The following NRXN1 variants were observed in gnomAD, a reference collection of about 807,000 sequenced individuals.
NRXN1 encodes neurexin-1.
NRXN1 carries 39 observed loss-of-function variants against 150.9 expected under a neutral mutation model. That is an observed-to-expected ratio of 0.26 (90% CI 0.20 to 0.34). NRXN1 has a LOEUF of 0.34. NRXN1 is among the 10% of genes least tolerant of loss of function. NRXN1 has a pLI of 1.00. For synonymous variants in NRXN1, 924 were observed against 757.0 expected, an observed-to-expected ratio of 1.22 and a Z score of -3.62; for missense variants, 1,815 against 1,949.9, an observed-to-expected ratio of 0.93 and a Z score of 1.30.
intron 21 of NRXN1, among the ~76,000 whole-genome samples, chr2:50,034,946 T>C (rs1244960850): frequency 1.3e-5 from 2 of 152,124 alleles, no homozygotes; most frequent in African/African-American, 4.8e-5. Flanking sequence ...AAACTTGAAT[T>C]TATTATTTTA....
intron 17 of NRXN1, among the ~76,000 whole-genome samples, chr2:50,349,212 G>A (rs2078248208): frequency 6.6e-6 from 1 of 152,094 alleles, no homozygotes; most frequent in African/African-American, 2.4e-5. Context: ...GTTCAGCCTT[G>A]CTAAACATGA....
chr2:50,996,299 T>C (rs562329722), intron 2 of NRXN1, among the ~76,000 whole-genome samples: 28 of 152,184 alleles, frequency 1.8e-4, no homozygotes, highest in African/African-American at 6.5e-4. Flanking sequence ...AATGAGATTA[T>C]CATCTCATAT....
chr2:50,375,640 T>C (rs1029326222), intron 17 of NRXN1, among the ~76,000 whole-genome samples: 3 of 150,644 alleles, frequency 2.0e-5, no homozygotes, highest in Non-Finnish European at 4.4e-5. Flanking sequence ...TTATAGAAAA[T>C]GTAGTAAATT....
rs144204581 is a variant in NRXN1 at position 50,078,767 on chromosome 2, C to G, written c.3718+12556G>C. ...AATACCAAAGAAGTGAAGAGCCTTT[C>G]TTAGCATGAAGGTTCATGAAGTCAA... On this transcript the variant is annotated intron_variant, in intron 19 of 22. Coordinates refer to ENST00000401669, the MANE Select transcript of NRXN1 (RefSeq NM_001330078.2). Among the ~76,000 whole-genome samples, 33 of 152,150 alleles carry G rather than the reference C, an allele frequency of 2.2e-4. No individual in the cohort carries two copies. In the East Asian group the frequency reaches 6.2e-3, roughly 28 times the overall value.
Position 50,085,005 on chromosome 2 carries a change from G to A in NRXN1, c.3718+6318C>T, listed in dbSNP as rs528710691. The stretch of plus-strand genomic sequence containing the variant: ...AGCAAAATTGAACACTGTGAAAAAA[G>A]ATAATTAAACAGGAAAAGTCAGAGT... On this transcript the variant is annotated intron_variant, in intron 19 of 22. Transcript: ENST00000401669. Among the ~76,000 whole-genome samples, 664 of 146,840 alleles carry A rather than the reference G, an allele frequency of 4.5e-3. 7 individuals are homozygous for A. Among genetic ancestry groups the A allele is most frequent in the Admixed American group, 9.1e-3 (124 of 13,638 alleles).
intron 5 of NRXN1, among the ~76,000 whole-genome samples, chr2:50,696,004 G>C (rs1234474803): frequency 6.6e-6 from 1 of 151,912 alleles, no homozygotes; most frequent in Non-Finnish European, 1.5e-5. Flanking sequence ...CACCATGCTT[G>C]GCTAATTTTT....
intron 5 of NRXN1, among the ~76,000 whole-genome samples, chr2:50,907,198 C>CA (rs925492490): frequency 1.4e-5 from 2 of 147,758 alleles, no homozygotes; most frequent in Non-Finnish European, 3.0e-5. Flanking sequence ...AAAAAAAAAA[C>CA]AAAAAAATAA....
chr2:50,306,883 A>G (rs966502915), intron 17 of NRXN1, among the ~76,000 whole-genome samples: 4 of 152,180 alleles, frequency 2.6e-5, no homozygotes, highest in African/African-American at 9.7e-5. Flanking sequence ...ATAGTTCTTC[A>G]GTTTCCTGTA....
intron 12 of NRXN1, among the ~76,000 whole-genome samples, chr2:50,528,082 G>T (rs2093003724): frequency 6.6e-6 from 1 of 152,050 alleles, no homozygotes; most frequent in African/African-American, 2.4e-5. Context: ...GATTTGAAGG[G>T]TTTTGGTTAT....
At chr2:50,591,652 G>A (rs372341635) in intron 8 of NRXN1, among the ~76,000 whole-genome samples, 20 of 152,116 alleles carry the variant, frequency 1.3e-4, no homozygotes, top group African/African-American at 2.9e-4. Flanking sequence ...GATTCTGTCC[G>A]GTTTCAGTGG....
chr2:50,964,112 C>T (rs972822424), intron 2 of NRXN1: 1 of 293,088 alleles, frequency 3.4e-6, no homozygotes, highest in African/African-American at 2.2e-5. Context: ...ACAACGATTA[C>T]AAAATCTTTG....
At chr2:50,206,322 CA>C (rs1270716116) in intron 18 of NRXN1, among the ~76,000 whole-genome samples, 7 of 151,616 alleles carry the variant, frequency 4.6e-5, no homozygotes, top group African/African-American at 1.5e-4. Flanking sequence ...TTGTTGTAAA[CA>C]AAAGTATTCA....
intron 2 of NRXN1, among the ~76,000 whole-genome samples, chr2:50,933,321 T>C (rs1032511780): frequency 1.3e-5 from 2 of 152,160 alleles, no homozygotes; most frequent in Admixed American, 6.6e-5. Flanking sequence ...CAATATATTA[T>C]GAATTTGCCA....
chr2:50,938,955 T>TGG (rs1688963391), intron 2 of NRXN1, among the ~76,000 whole-genome samples: 1 of 152,144 alleles, frequency 6.6e-6, no homozygotes, highest in South Asian at 2.1e-4. Flanking sequence ...CTCATGCCTA[T>TGG]AATCCCTGCA....
chr2:50,019,388 T>G, intron 21 of NRXN1: 1 of 464,168 alleles, frequency 2.2e-6, no homozygotes, highest in South Asian at 1.6e-5. Flanking sequence ...CTCACGCCTG[T>G]AATCCTAGCA....
chr2:50,754,230 T>C (rs1700933909), intron 5 of NRXN1, among the ~76,000 whole-genome samples: 1 of 151,900 alleles, frequency 6.6e-6, no homozygotes, highest in Non-Finnish European at 1.5e-5. Flanking sequence ...TGGTTAGATA[T>C]TGATCTCACT....
At chr2:50,467,699 C>G (rs2104666057) in intron 16 of NRXN1, among the ~76,000 whole-genome samples, 1 of 150,820 alleles carries the variant, frequency 6.6e-6, no homozygotes, top group East Asian at 2.0e-4. Context: ...ATAATTAAAA[C>G]AAAAATAGTA....
intron 19 of NRXN1, among the ~76,000 whole-genome samples, chr2:50,084,601 C>A (rs7572533): frequency 1.3e-4 from 20 of 152,176 alleles, no homozygotes; most frequent in African/African-American, 2.7e-4. Flanking sequence ...CTCCACACCC[C>A]CCGCAGGCTG....
chr2:50,219,157 T>C (rs973327814), intron 18 of NRXN1, among the ~76,000 whole-genome samples: 3 of 151,990 alleles, frequency 2.0e-5, no homozygotes, highest in Non-Finnish European at 4.4e-5. Context: ...CTCAATTAGG[T>C]ATTGCAGATG....
Sources: gnomAD v4.1 joint callset for allele counts (sites outside exome capture counted in the v4.1 genomes callset) on GRCh38, gnomAD v4.1.1 for gene constraint, MANE v1.5 for transcripts, NCBI Gene and HGNC (gene_info 2026-07-23, HGNC 2026-07-21) for gene names.